Variants in SBNO1 observed in about 807,000 individuals in gnomAD.
SBNO1 encodes strawberry notch homolog 1.
In SBNO1, 23 loss-of-function variants were observed where a neutral mutation model predicts 173.6. The ratio of observed to expected loss-of-function variants is 0.13; its 90% CI spans 0.10 to 0.19. The LOEUF (loss-of-function observed/expected upper bound fraction) is 0.19. SBNO1 is among the 10% of genes least tolerant of loss of function. The pLI is 1.00. For synonymous variants in SBNO1, 632 were observed against 571.5 expected (o/e 1.11, Z -1.51); for missense variants, 1,238 against 1,671.2 (o/e 0.74, Z 4.52).
chr12:123,345,761 C>A (rs1328112399), intron 3 of SBNO1, among the ~76,000 whole-genome samples, 191 bp from the exon 4 acceptor site: 1 of 152,048 alleles, frequency 6.6e-6, no homozygotes, highest in Admixed American at 6.6e-5. Flanking sequence ...CCTTGCCCAA[C>A]TGGGCTCAAG....
chr12:123,329,818 A>T (rs144937012), intron 9 of SBNO1, among the ~76,000 whole-genome samples: 1 of 152,204 alleles, frequency 6.6e-6, no homozygotes, highest in African/African-American at 2.4e-5. Flanking sequence ...GAACCCTATC[A>T]GTCTATTTTA....
At chr12:123,328,704 A>C (rs1374580977) in intron 10 of SBNO1, 30 bp downstream of exon 10, 3 of 1,439,006 alleles carry the variant, frequency 2.1e-6, no homozygotes, top group Admixed American at 2.4e-5. Context: ...TGTCGTTAAA[A>C]AATAGAAAAA....
intron 21 of SBNO1, among the ~76,000 whole-genome samples, chr12:123,316,515 C>T (rs1376203413): frequency 6.6e-6 from 1 of 151,738 alleles, no homozygotes; most frequent in East Asian, 2.0e-4. Context: ...TGAGCCGCTG[C>T]GCCCAGCCTG....
Position 123,291,303 on chromosome 12 carries a change from T to C in SBNO1, c.*4605A>G, listed in dbSNP as rs1473476821. On this transcript the variant is annotated 3_prime_UTR_variant, in exon 32 of 32. Coordinates refer to ENST00000602398, the MANE Select transcript of SBNO1 (RefSeq NM_001167856.3). ...CAGGTGGGAAGACAGAGATAAGAAA[T>C]ATGGTAAGGCCTGAAAAATTGCAAA... 1 of 152,112 alleles carries C rather than the reference T, an allele frequency of 6.6e-6. No homozygotes were observed. Among genetic ancestry groups the C allele is most frequent in the Admixed American group, 6.6e-5 (1 of 15,262 alleles). 9.4% of individuals were successfully genotyped at this position (152,112 alleles called of 1,614,324 possible).
intron 7 of SBNO1, among the ~76,000 whole-genome samples, chr12:123,332,881 T>C (rs1241475091): frequency 6.6e-5 from 10 of 150,734 alleles, no homozygotes; most frequent in East Asian, 2.0e-4. Context: ...TCCCAGCACT[T>C]TGGGAGGCCG....
intron 1 of SBNO1, chr12:123,363,904 A>G: frequency 1.0e-6 from 1 of 985,506 alleles, no homozygotes; most frequent in Non-Finnish European, 1.2e-6. Context: ...AGGAACATCC[A>G]AATCTCCTCA....
intron 1 of SBNO1, among the ~76,000 whole-genome samples, chr12:123,355,255 G>A (rs1016792163): frequency 1.3e-5 from 2 of 151,978 alleles, no homozygotes; most frequent in African/African-American, 4.8e-5. Flanking sequence ...TACTGACCTC[G>A]TGATCCGCCC....
rs918393727 is a variant in SBNO1, at chr12:123,364,742, G to A, written c.-42C>T. The A allele has an allele frequency of 1.0e-6, 1 of 987,772 alleles. No homozygotes were observed. Among genetic ancestry groups the A allele is most frequent in the Non-Finnish European group, 1.2e-6 (1 of 831,254 alleles). The allele number at this position is 987,772 out of a possible 1,614,324, so 61.2% of individuals were successfully genotyped here. On this transcript the variant is annotated 5_prime_UTR_variant, in exon 1 of 32. Coordinates refer to ENST00000602398, the MANE Select transcript of SBNO1 (RefSeq NM_001167856.3). ...GGCGCCAGCACAGCTCCTCCCGGGA[G>A]GTGTGAGTTTGAAGGACCAGAGGCG... is the stretch of plus-strand genomic sequence containing the variant.
chr12:123,327,135 T>C (rs1414370547), intron 13 of SBNO1, among the ~76,000 whole-genome samples: 1 of 152,094 alleles, frequency 6.6e-6, no homozygotes, highest in African/African-American at 2.4e-5. Flanking sequence ...CCTCCCCAAG[T>C]AGCTGGCACT....
At position 123,292,896 on chromosome 12, in the gene SBNO1, CATT is replaced by C. The variant is rs573706775; in HGVS notation, c.*3009_*3011del. ...CATTAATACTCCTATGAATTTGTAT[CATT>C]GATAGTGTATCTGGATAATCCCAGT... is the stretch of plus-strand genomic sequence containing the variant. On this transcript the variant is annotated 3_prime_UTR_variant, in exon 32 of 32. Transcript: ENST00000602398. 1.2e-4 allele frequency: 18 copies of C among 152,312 alleles called. No individual in the cohort carries two copies. Among genetic ancestry groups the C allele is most frequent in the African/African-American group, 4.1e-4 (17 of 41,564 alleles). The allele number at this position is 152,312 out of a possible 1,614,324, so 9.4% of individuals were successfully genotyped here. A position where few individuals can be genotyped will look rare whatever the true frequency, so the allele number is the denominator to read the frequency against.
At chr12:123,336,927 C>T (rs1380101293) in intron 5 of SBNO1, among the ~76,000 whole-genome samples, 1 of 152,114 alleles carries the variant, frequency 6.6e-6, no homozygotes, top group Admixed American at 6.5e-5. Context: ...CCCAAAGGAC[C>T]CTGCATCACC....
Position 123,364,619 on chromosome 12 carries a change from G to A in SBNO1, c.-1+82C>T, listed in dbSNP as rs941672197. On this transcript the variant is annotated intron_variant, in intron 1 of 31. Transcript: ENST00000602398. ...GTGGCTGTCCCCCCAGCCTGGCCCC[G>A]CACGGCCCCCCGAGGGTGGGAGTGG... 23 of 884,378 alleles carry A rather than the reference G, an allele frequency of 2.6e-5. No homozygotes were observed. The African/African-American group carries it at 2.8e-4, about 11-fold the overall frequency. 54.8% of individuals were successfully genotyped at this position (884,378 alleles called of 1,614,324 possible). A position where few individuals can be genotyped will look rare whatever the true frequency, so the allele number is the denominator to read the frequency against.
At chr12:123,363,972 G>C (rs1875743569) in intron 1 of SBNO1, 1 of 985,532 alleles carries the variant, frequency 1.0e-6, no homozygotes, top group East Asian at 1.1e-4. Context: ...CTGCTTTGGG[G>C]AACTCTGGAT....
intron 1 of SBNO1, among the ~76,000 whole-genome samples, chr12:123,358,181 T>C (rs976980506): frequency 2.0e-5 from 3 of 152,204 alleles, no homozygotes; most frequent in Non-Finnish European, 4.4e-5. Context: ...AGCCTGAAGA[T>C]AGTTTTATAC....
chr12:123,336,468 A>T lies in SBNO1; in HGVS notation c.675T>A (p.Asp225Glu). The change falls in exon 6 of 32, where the codon GAT (aspartate) becomes GAA (glutamate). Residue 225 changes from aspartate (D) to glutamate (E), a missense_variant. Around this residue, in one of 14 missense-constraint regions of SBNO1, gnomAD observed 287 missense variants for 274.1 expected, o/e 1.05. Transcript: ENST00000602398. ...PTMKVPVVKE[D>E]DEPEEEDEEE... Reference sequence around the variant, plus strand: ...CTTCATCTTCTTCCTCTGGTTCATCATCTTCTTTTACAACAGGAACCTTCT... The same window carrying T: ...CTTCATCTTCTTCCTCTGGTTCATCTTCTTCTTTTACAACAGGAACCTTCT... 6.2e-6 allele frequency: 10 copies of T among 1,612,430 alleles called. No individual in the cohort carries two copies. Among genetic ancestry groups the T allele is most frequent in the Non-Finnish European group, 8.5e-6 (10 of 1,179,166 alleles).
Position 123,334,179 on chromosome 12 carries a change from C to A in SBNO1, c.783G>T (p.Val261=). The change falls in exon 7 of 32, where the codon GTG becomes GTT. Residue 261 remains valine (V), a synonymous_variant. Transcript: ENST00000602398. ...TAACACTGGATAAAGAGCTGGTTTC[C>A]ACTACAGCATCTGGATGACGTAGGC... ...KIGLRHPDAV[V]ETSSLSSVTP... 1 of 1,593,254 alleles carries A rather than the reference C, an allele frequency of 6.3e-7. No individual in the cohort carries two copies. Among genetic ancestry groups the A allele is most frequent in the Non-Finnish European group, 8.5e-7 (1 of 1,173,066 alleles).
chr12:123,330,247 GC>G (rs1428372146), intron 9 of SBNO1, among the ~76,000 whole-genome samples, 171 bp downstream of exon 9: 1 of 152,118 alleles, frequency 6.6e-6, no homozygotes, highest in East Asian at 1.9e-4. Context: ...TCAGTGTTTA[GC>G]ATATAGGAAT....
intron 4 of SBNO1, among the ~76,000 whole-genome samples, chr12:123,341,876 T>A (rs780047519): frequency 6.6e-6 from 1 of 151,574 alleles, no homozygotes; most frequent in Non-Finnish European, 1.5e-5. Flanking sequence ...TGTAAACCCA[T>A]GTGTCTTTAT....
chr12:123,316,391 A>G (rs1869272615), intron 21 of SBNO1, among the ~76,000 whole-genome samples: 1 of 149,898 alleles, frequency 6.7e-6, no homozygotes, highest in South Asian at 2.1e-4. Flanking sequence ...CGCCCGGCTA[A>G]TTTTGTATTT....
Sources: allele counts gnomAD v4.1 joint callset (sites outside exome capture counted in the v4.1 genomes callset), GRCh38; gene constraint gnomAD v4.1.1; regional missense constraint gnomAD v4.1.1; transcripts MANE v1.5; gene names NCBI Gene and HGNC (gene_info 2026-07-23, HGNC 2026-07-21).